The following ATG13 variants were observed in gnomAD, a reference collection of about 807,000 sequenced individuals.
ATG13 encodes the protein autophagy-related protein 13.
ATG13 carries 23 observed loss-of-function variants against 65.5 expected under a neutral mutation model. That is an observed-to-expected ratio of 0.35 (90% CI 0.25 to 0.50). The LOEUF is 0.50. Among genes scored for constraint, ATG13 ranks in the 20% least tolerant of loss-of-function variants. The probability of loss-of-function intolerance (pLI) is 0.98; values close to 1 mark genes in which losing one functional copy is unlikely to be tolerated. For missense variants in ATG13, 566 were observed against 677.0 expected, an observed-to-expected ratio of 0.84 and a Z score of 1.82; for synonymous variants, 252 against 245.2, an observed-to-expected ratio of 1.03 and a Z score of -0.26.
chr11:46,668,354 C>T (rs1053575119), intron 15 of ATG13, 145 bp from the exon 16 acceptor site: 2 of 760,348 alleles, frequency 2.6e-6, no homozygotes, highest in Non-Finnish European at 4.4e-6. Context: ...CTTGGAGAGC[C>T]TCTAACAAGG....
Position 46,645,985 on chromosome 11 carries a change from C to T in ATG13, c.266C>T (p.Ser89Phe), listed in dbSNP as rs1255251050. Residue 89 changes from serine (S) to phenylalanine (F), a missense_variant, in exon 5 of 19, where the codon TCT (serine) becomes TTT (phenylalanine). This residue lies in a region of ATG13 where 179 missense variants were observed against 267.2 expected (regional missense o/e 0.67). Coordinates refer to ENST00000683050, the MANE Select transcript of ATG13 (RefSeq NM_001346311.2). ...SMCVEISLKT[S>F]EGDSMELEIW... ...TGTGTGGAGATTTCACTTAAGACTT[C>T]TGAGGTAAGGCTATGGCCAGGTTGG... 2 of 1,614,162 alleles carry T rather than the reference C, an allele frequency of 1.2e-6. No individual in the cohort carries two copies. Among genetic ancestry groups the T allele is most frequent in the South Asian group, 2.2e-5 (2 of 91,078 alleles).
chr11:46,674,358 T>C lies in ATG13; in HGVS notation c.*2026T>C, dbSNP rs1335782576. ...TGAAAGGAATGAGCCCTAGACTGACTCCTGCAGCACCCCCGGGACAGGCTG... is the reference window on the plus strand; with the variant it reads ...TGAAAGGAATGAGCCCTAGACTGACCCCTGCAGCACCCCCGGGACAGGCTG... On this transcript the variant is annotated 3_prime_UTR_variant, in exon 19 of 19. Coordinates refer to ENST00000683050, the MANE Select transcript of ATG13 (RefSeq NM_001346311.2). 6.6e-6 allele frequency: 1 copy of C among 152,204 alleles called. No homozygotes were observed. The highest frequency in any genetic ancestry group is 2.4e-5 in the African/African-American group (1 of 41,410). 9.4% of individuals were successfully genotyped at this position (152,204 alleles called of 1,614,324 possible).
At chr11:46,664,566 TAGCTC>T (rs973584098) in intron 12 of ATG13, among the ~76,000 whole-genome samples, 5 of 152,208 alleles carry the variant, frequency 3.3e-5, no homozygotes, top group African/African-American at 1.2e-4. Context: ...CTGAAACAGT[TAGCTC>T]AGCCCCTGGG....
At chr11:46,631,888 A>G (rs1041101518) in intron 2 of ATG13, among the ~76,000 whole-genome samples, 5 of 152,158 alleles carry the variant, frequency 3.3e-5, no homozygotes, top group Admixed American at 3.3e-4. Context: ...TCAAAACAAA[A>G]ACAACCATTT....
chr11:46,633,093 C>T (rs1215982653), intron 2 of ATG13, among the ~76,000 whole-genome samples: 2 of 141,002 alleles, frequency 1.4e-5, no homozygotes. Context: ...GGTGGGATCT[C>T]GGCTCACTGC....
At chr11:46,623,105 G>A (rs916627774) in intron 1 of ATG13, among the ~76,000 whole-genome samples, 4 of 151,990 alleles carry the variant, frequency 2.6e-5, no homozygotes, top group African/African-American at 4.8e-5. Flanking sequence ...GGGCTAACAC[G>A]GTGAAACCCT....
chr11:46,655,916 T>C (rs182979060), intron 7 of ATG13, among the ~76,000 whole-genome samples: 2 of 152,268 alleles, frequency 1.3e-5, no homozygotes, highest in African/African-American at 2.4e-5. Flanking sequence ...TTATTTTTTG[T>C]CAATGCAGGG....
chr11:46,626,767 C>T (rs549542034), intron 1 of ATG13, among the ~76,000 whole-genome samples: 206 of 152,288 alleles, frequency 1.4e-3, no homozygotes, highest in African/African-American at 4.8e-3. Flanking sequence ...ACAAAATTGT[C>T]ATTTTCTAAG....
chr11:46,625,925 G>A (rs1266616685), intron 1 of ATG13, among the ~76,000 whole-genome samples: 1 of 152,076 alleles, frequency 6.6e-6, no homozygotes, highest in African/African-American at 2.4e-5. Context: ...GGTTAGCATA[G>A]CCATATTTGG....
At chr11:46,650,344 T>G in intron 7 of ATG13, 27 bp downstream of exon 7, 1 of 1,603,330 alleles carries the variant, frequency 6.2e-7, no homozygotes, top group Middle Eastern at 1.7e-4. Context: ...GTCATCTTGA[T>G]TCACTCATCA....
Position 46,659,391 on chromosome 11 carries a change from G to C in ATG13, c.696-1G>C. The C allele has an allele frequency of 6.2e-7, 1 of 1,609,838 alleles. No homozygotes were observed. Among genetic ancestry groups the C allele is most frequent in the Non-Finnish European group, 8.5e-7 (1 of 1,176,472 alleles). On this transcript the variant is annotated splice_acceptor_variant, in intron 10 of 18. Coordinates refer to ENST00000683050, the MANE Select transcript of ATG13 (RefSeq NM_001346311.2). LOFTEE classifies it high-confidence loss of function. ...TCATTATTTCTTTCTTTTCACTTTA[G>C]AACTGCTGGTGAGGACACTGGAGTA...
At position 46,672,834 on chromosome 11, in the gene ATG13, C is replaced by G; in HGVS notation, c.*502C>G. The stretch of plus-strand genomic sequence containing the variant: ...GTCCCTTAGCTCTCTTCATTGTCCC[C>G]TTTACTTCCTGCTATCTTCTTCTCC... On this transcript the variant is annotated 3_prime_UTR_variant, in exon 19 of 19. Coordinates refer to ENST00000683050, the MANE Select transcript of ATG13 (RefSeq NM_001346311.2). 1 of 1,232,472 alleles carries G rather than the reference C, an allele frequency of 8.1e-7. No homozygotes were observed. Among genetic ancestry groups the G allele is most frequent in the African/African-American group, 1.6e-5 (1 of 64,434 alleles). 76.3% of individuals were successfully genotyped at this position (1,232,472 alleles called of 1,614,324 possible). A position where few individuals can be genotyped will look rare whatever the true frequency, so the allele number is the denominator to read the frequency against.
chr11:46,661,777 G>T (rs2061278478), intron 11 of ATG13, among the ~76,000 whole-genome samples: 1 of 152,128 alleles, frequency 6.6e-6, no homozygotes, highest in Non-Finnish European at 1.5e-5. Context: ...GCTGTAGTGA[G>T]CTGAGATCGC....
intron 3 of ATG13, among the ~76,000 whole-genome samples, chr11:46,644,680 A>T (rs111743805): frequency 6.6e-6 from 1 of 152,038 alleles, no homozygotes; most frequent in Non-Finnish European, 1.5e-5. Context: ...AACAAAGACC[A>T]TCAGCTGGAA....
chr11:46,636,155 C>T (rs1017845517), intron 2 of ATG13, among the ~76,000 whole-genome samples: 7 of 152,102 alleles, frequency 4.6e-5, no homozygotes, highest in Non-Finnish European at 7.4e-5. Context: ...TTCTTGATCA[C>T]GGTGGACTAT....
At chr11:46,670,961 A>T (rs866946849) in intron 18 of ATG13, among the ~76,000 whole-genome samples, 1 of 152,244 alleles carries the variant, frequency 6.6e-6, no homozygotes, top group Non-Finnish European at 1.5e-5. Flanking sequence ...TAGCTTGCTC[A>T]TAGTCACACA....
At position 46,657,739 on chromosome 11, in the gene ATG13, A is replaced by G. The variant is rs1383219812; in HGVS notation, c.695+117A>G. The G allele has an allele frequency of 5.8e-6, 5 of 860,742 alleles. No homozygotes were observed. In the African/African-American group the frequency reaches 6.9e-5, roughly 12 times the overall value. 53.3% of individuals were successfully genotyped at this position (860,742 alleles called of 1,614,324 possible). On this transcript the variant is annotated intron_variant, in intron 10 of 18. Transcript: ENST00000683050. ...CTCTCCAGTGGGCAGGGGGCCACTG[A>G]TGGAGACCCCACGTGGAGAGAAATC...
intron 5 of ATG13, among the ~76,000 whole-genome samples, chr11:46,648,477 A>C (rs913420457): frequency 6.6e-6 from 1 of 152,038 alleles, no homozygotes; most frequent in African/African-American, 2.4e-5. Flanking sequence ...ACCCCCAAAA[A>C]AGAATAAAGA....
intron 8 of ATG13, 140 bp from the exon 9 acceptor site, chr11:46,656,955 A>C: frequency 1.4e-6 from 1 of 710,870 alleles, no homozygotes; most frequent in Non-Finnish European, 2.5e-6. Flanking sequence ...ACACATATGA[A>C]ATTAAGGCTG....
Sources: gnomAD v4.1 joint callset for allele counts (sites outside exome capture counted in the v4.1 genomes callset) on GRCh38, gnomAD v4.1.1 for gene constraint, gnomAD v4.1.1 regional missense constraint, MANE v1.5 for transcripts, NCBI Gene and HGNC (gene_info 2026-07-23, HGNC 2026-07-21) for gene names.